NREP: variants seen among roughly 807,000 people sequenced by gnomAD.
The protein encoded by NREP is neuronal regeneration-related protein.
Under a neutral mutation model 8.6 loss-of-function variants are expected in NREP, and 5 were observed. The observed-to-expected ratio is 0.58, with a 90% CI of 0.30 to 1.22. The LOEUF (loss-of-function observed/expected upper bound fraction) is 1.22, where lower values mean the gene tolerates loss of function less well. Ranked by LOEUF, NREP falls within the 50% of genes most tolerant of loss-of-function variation. The pLI, the probability that NREP is intolerant of heterozygous loss-of-function variation, is 0.07. For missense variants in NREP, 86 were observed against 82.5 expected (o/e 1.04, Z -0.17); for synonymous variants, 27 against 28.0 (o/e 0.96, Z 0.11).
At chr5:111,773,050 T>A (rs1285614228) in intron 2 of NREP, among the ~76,000 whole-genome samples, 1 of 152,192 alleles carries the variant, frequency 6.6e-6, no homozygotes, top group South Asian at 2.1e-4. Context: ...TCATACATCA[T>A]CTATATGTCT....
intron 2 of NREP, among the ~76,000 whole-genome samples, chr5:111,955,375 A>C (rs948849692): frequency 6.6e-6 from 1 of 152,118 alleles, no homozygotes; most frequent in Non-Finnish European, 1.5e-5. Flanking sequence ...TCAGCGAAAG[A>C]ATCACATAAA....
chr5:111,919,891 G>GAAAGAAAA (rs1554053095), intron 2 of NREP, among the ~76,000 whole-genome samples: 2 of 148,294 alleles, frequency 1.3e-5, no homozygotes, highest in African/African-American at 2.5e-5. Flanking sequence ...AAGAAAGAAA[G>GAAAGAAAA]AAAGAAAGAA....
intron 2 of NREP, chr5:111,949,122 A>G (rs1756080066): frequency 6.6e-6 from 1 of 152,038 alleles, no homozygotes; most frequent in African/African-American, 2.4e-5. Flanking sequence ...TCCCATAGCA[A>G]TCTATTCCAA....
chr5:111,734,070 A>C (rs1367291976), intron 3 of NREP: 1 of 152,234 alleles, frequency 6.6e-6, no homozygotes, highest in East Asian at 1.9e-4. Flanking sequence ...CCCTGGGAGC[A>C]TGTCTTTGTG....
intron 2 of NREP, among the ~76,000 whole-genome samples, chr5:111,942,510 T>C (rs1755856853): frequency 6.6e-6 from 1 of 152,152 alleles, no homozygotes; most frequent in East Asian, 1.9e-4. Flanking sequence ...TGCAAAGCAG[T>C]TTGTGCTATC....
intron 2 of NREP, among the ~76,000 whole-genome samples, chr5:111,874,044 G>T (rs780029969): frequency 1.3e-5 from 2 of 152,098 alleles, no homozygotes; most frequent in East Asian, 1.9e-4. Flanking sequence ...TCCCAGGGAC[G>T]GGAGGGTGGG....
At chr5:111,896,818 A>C (rs1407601730) in intron 2 of NREP, among the ~76,000 whole-genome samples, 4 of 152,148 alleles carry the variant, frequency 2.6e-5, no homozygotes, top group Non-Finnish European at 4.4e-5. Flanking sequence ...ATTGAATGTA[A>C]ATCTATTAGA....
At chr5:111,762,000 C>G (rs993799913), upstream of NREP, among the ~76,000 whole-genome samples, 1 of 151,432 alleles carries the variant, frequency 6.6e-6, no homozygotes, top group Non-Finnish European at 1.5e-5. Context: ...GATTTGAGCA[C>G]GGAGAAGGGG....
intron 2 of NREP, among the ~76,000 whole-genome samples, chr5:111,848,561 G>T (rs960084842): frequency 4.6e-5 from 7 of 152,106 alleles, no homozygotes; most frequent in Admixed American, 2.6e-4. Context: ...TTGGGCCAGT[G>T]GTTGCCATGG....
At chr5:111,819,376 G>A (rs1375633621) in intron 2 of NREP, among the ~76,000 whole-genome samples, 2 of 152,152 alleles carry the variant, frequency 1.3e-5, no homozygotes, top group African/African-American at 4.8e-5. Flanking sequence ...ACAGCAGTAT[G>A]GGCTACCTGT....
chr5:111,882,145 G>T (rs982152266), intron 2 of NREP, among the ~76,000 whole-genome samples: 2 of 152,232 alleles, frequency 1.3e-5, no homozygotes, highest in Non-Finnish European at 2.9e-5. Flanking sequence ...AGGAGCTGAT[G>T]GAGCTGAAAG....
At chr5:111,861,202 A>G (rs973945290) in intron 2 of NREP, among the ~76,000 whole-genome samples, 6 of 152,168 alleles carry the variant, frequency 3.9e-5, no homozygotes, top group East Asian at 3.9e-4. Flanking sequence ...AGCACCTGCC[A>G]TGAGGTGGGT....
intron 2 of NREP, among the ~76,000 whole-genome samples, chr5:111,806,047 A>G (rs1270851661): frequency 1.3e-5 from 2 of 152,242 alleles, no homozygotes; most frequent in Non-Finnish European, 2.9e-5. Context: ...ATTAAGAAAC[A>G]TAATTGGTAA....
At chr5:111,963,136 G>C (rs879837700) in intron 2 of NREP, among the ~76,000 whole-genome samples, 1 of 152,254 alleles carries the variant, frequency 6.6e-6, no homozygotes, top group Non-Finnish European at 1.5e-5. Context: ...AGCTAAGAGA[G>C]AAAAACCCTC....
rs181686991 is a variant in NREP, at chr5:111,975,010, A to C, written c.135+264T>G. Among the ~76,000 whole-genome samples the C allele has an allele frequency of 1.1e-3, 164 of 152,340 alleles. 1 individual carries two copies. The highest frequency in any genetic ancestry group is 7.6e-4 in the Non-Finnish European group (52 of 68,026). On this transcript the variant is annotated intron_variant, in intron 2 of 3. Coordinates refer to the NREP transcript ENST00000395634. ...TGGTTGGCCAGAGGTGTACAATGGT[A>C]GAGGGACTTGGGATGGATGCTAAGT...
chr5:111,941,660 T>G (rs116354903), intron 2 of NREP, among the ~76,000 whole-genome samples: 1 of 152,096 alleles, frequency 6.6e-6, no homozygotes, highest in Non-Finnish European at 1.5e-5. Context: ...CTAACACTTT[T>G]ACATTTGATG....
chr5:111,772,088 T>A (rs970716901), intron 2 of NREP, among the ~76,000 whole-genome samples: 1 of 152,202 alleles, frequency 6.6e-6, no homozygotes, highest in African/African-American at 2.4e-5. Flanking sequence ...GACTGGAAGA[T>A]TCTCCAAATT....
chr5:111,962,280 T>G (rs1023087261), intron 2 of NREP, among the ~76,000 whole-genome samples: 4 of 151,956 alleles, frequency 2.6e-5, no homozygotes, highest in Admixed American at 2.6e-4. Context: ...ATCCTAAACT[T>G]ACATCATTAA....
intron 2 of NREP, among the ~76,000 whole-genome samples, chr5:111,919,714 G>T (rs1755169279): frequency 6.6e-6 from 1 of 152,062 alleles, no homozygotes; most frequent in Non-Finnish European, 1.5e-5. Context: ...ACACACCGGG[G>T]CCTGTCAGGG....
Sources: allele counts gnomAD v4.1 joint callset (sites outside exome capture counted in the v4.1 genomes callset), GRCh38; gene constraint gnomAD v4.1.1; transcripts MANE v1.5; gene names NCBI Gene and HGNC (gene_info 2026-07-23, HGNC 2026-07-21).